The following ANKRD17 variants were observed in gnomAD, a reference collection of about 807,000 sequenced individuals.
ANKRD17 encodes ankyrin repeat domain 17, also known as ankyrin repeat domain-containing protein 17.
A neutral mutation model predicts 229.7 loss-of-function variants in ANKRD17; 19 were observed. That is an observed-to-expected ratio of 0.08 (90% CI 0.06 to 0.12). The LOEUF is 0.12. ANKRD17 is among the 10% of genes least tolerant of loss of function. The probability of loss-of-function intolerance (pLI) is 1.00; values close to 1 mark genes in which losing one functional copy is unlikely to be tolerated. For missense variants in ANKRD17, 2,176 were observed against 3,176.8 expected (o/e 0.68, Z 7.57); for synonymous variants, 1,112 against 1,146.1 (o/e 0.97, Z 0.60).
intron 1 of ANKRD17, among the ~76,000 whole-genome samples, chr4:73,213,252 G>A (rs189977510): frequency 6.6e-6 from 1 of 152,268 alleles, no homozygotes; most frequent in East Asian, 1.9e-4. Context: ...GTTAGAACCA[G>A]GTAAGGATAA....
At chr4:73,226,385 T>G (rs1242485480) in intron 1 of ANKRD17, among the ~76,000 whole-genome samples, 1 of 145,616 alleles carries the variant, frequency 6.9e-6, no homozygotes, top group East Asian at 2.0e-4. Context: ...ATTTCTTTTC[T>G]TCTGTTTTTT....
chr4:73,211,403 T>C (rs974930883), intron 1 of ANKRD17, among the ~76,000 whole-genome samples: 2 of 152,212 alleles, frequency 1.3e-5, no homozygotes, highest in African/African-American at 2.4e-5. Context: ...TCATATAATG[T>C]ATAGTTCAAA....
chr4:73,255,364 G>A (rs1464862348), intron 1 of ANKRD17, among the ~76,000 whole-genome samples: 1 of 152,082 alleles, frequency 6.6e-6, no homozygotes, highest in Non-Finnish European at 1.5e-5. Flanking sequence ...ATCCTTTCAG[G>A]TTAAATACCA....
At chr4:73,182,783 C>T (rs1215966547) in intron 1 of ANKRD17, among the ~76,000 whole-genome samples, 1 of 152,130 alleles carries the variant, frequency 6.6e-6, no homozygotes, top group African/African-American at 2.4e-5. Flanking sequence ...CAATGTTTCT[C>T]AATGTAAAAG....
intron 2 of ANKRD17, among the ~76,000 whole-genome samples, chr4:73,175,947 G>A (rs1038644435): frequency 4.0e-5 from 6 of 150,776 alleles, no homozygotes; most frequent in Non-Finnish European, 8.9e-5. Context: ...AAGCAAATAA[G>A]GACAAATGGG....
intron 1 of ANKRD17, among the ~76,000 whole-genome samples, chr4:73,243,218 A>G (rs939134857): frequency 6.6e-6 from 1 of 152,228 alleles, no homozygotes; most frequent in African/African-American, 2.4e-5. Flanking sequence ...GGGGCAAGTT[A>G]GGAGTTTGGA....
intron 24 of ANKRD17, among the ~76,000 whole-genome samples, chr4:73,108,776 T>C (rs1724946701): frequency 6.6e-6 from 1 of 152,144 alleles, no homozygotes; most frequent in East Asian, 1.9e-4. Flanking sequence ...CAGGGATCTT[T>C]ACCGCAAAGG....
chr4:73,155,799 T>C (rs1560612246), intron 4 of ANKRD17, 21 bp from the exon 5 acceptor site: 1 of 1,610,256 alleles, frequency 6.2e-7, no homozygotes, highest in Non-Finnish European at 8.5e-7. Context: ...AAAAATAGTT[T>C]AAAAAGATAT....
In ANKRD17 at chr4:73,091,396, C is replaced by T. The variant is rs749366317; in HGVS notation, c.6232G>A (p.Glu2078Lys). 1.9e-6 allele frequency: 3 copies of T among 1,614,146 alleles called. No individual in the cohort carries two copies. The highest frequency in any genetic ancestry group is 2.5e-6 in the Non-Finnish European group (3 of 1,180,032). ...TCTACTACTGGTGGACTACCTGCTT[C>T]CTGTTCGGAGGAAGATGCCACTTTA... ...PNKVASSSEQ[E>K]AGSPPVVETT... The change falls in exon 29 of 34, where the codon GAA becomes AAA. Residue 2078 changes from glutamate (E) to lysine (K), a missense_variant. Physicochemically the swap from Glu to Lys is moderately conservative, Grantham distance 56. This residue lies in a region of ANKRD17 where 424 missense variants were observed against 454.0 expected (regional missense o/e 0.93). Coordinates refer to ENST00000358602, the MANE Select transcript of ANKRD17 (RefSeq NM_032217.5).
At chr4:73,216,401 C>T (rs868573359) in intron 1 of ANKRD17, among the ~76,000 whole-genome samples, 1 of 151,986 alleles carries the variant, frequency 6.6e-6, no homozygotes, top group South Asian at 2.1e-4. Flanking sequence ...TAATTTTTAA[C>T]AGTGAAAAAG....
At chr4:73,134,167 G>A (rs946309886) in intron 16 of ANKRD17, among the ~76,000 whole-genome samples, 3 of 152,050 alleles carry the variant, frequency 2.0e-5, no homozygotes, top group African/African-American at 7.2e-5. Flanking sequence ...TTAATAAAAA[G>A]GAAACTTTAT....
chr4:73,118,532 T>A (rs10019083), intron 22 of ANKRD17, among the ~76,000 whole-genome samples, 156 bp downstream of exon 22: 458 of 152,272 alleles, frequency 3.0e-3, no homozygotes, highest in Middle Eastern at 0.01. Context: ...CCTGTATATA[T>A]CTACATTTAA....
chr4:73,113,153 T>C, intron 24 of ANKRD17: 1 of 1,248,088 alleles, frequency 8.0e-7, no homozygotes, highest in Middle Eastern at 2.2e-4. Context: ...CCAATTATTT[T>C]CCTATGATTA....
chr4:73,076,229 C>G lies in ANKRD17; in HGVS notation c.*2G>C. 1 of 1,608,330 alleles carries G rather than the reference C, an allele frequency of 6.2e-7. No individual in the cohort carries two copies. Among genetic ancestry groups the G allele is most frequent in the Non-Finnish European group, 8.5e-7 (1 of 1,177,652 alleles). On this transcript the variant is annotated 3_prime_UTR_variant, in exon 34 of 34. Transcript: ENST00000358602. ...ATCTGCAGGCTAACAAGCTGATCCT[C>G]ATCAGCCAAGCTGGTTCATATGCAC...
intron 1 of ANKRD17, among the ~76,000 whole-genome samples, chr4:73,189,648 C>A (rs184702232): frequency 6.6e-6 from 1 of 152,250 alleles, no homozygotes; most frequent in East Asian, 1.9e-4. Flanking sequence ...TTTCCCAACC[C>A]TTTCGTTCTT....
intron 1 of ANKRD17, among the ~76,000 whole-genome samples, chr4:73,231,447 G>A (rs143374782): frequency 1.3e-5 from 2 of 152,240 alleles, no homozygotes; most frequent in Admixed American, 6.5e-5. Context: ...ACCACTCTGC[G>A]CTCTGCTATT....
chr4:73,105,674 C>T (rs1724526006), intron 24 of ANKRD17, among the ~76,000 whole-genome samples: 1 of 152,072 alleles, frequency 6.6e-6, no homozygotes, highest in African/African-American at 2.4e-5. Context: ...TTACCTCCAC[C>T]ACAGTTAGTT....
chr4:73,124,364 T>C (rs1473749420), intron 18 of ANKRD17, among the ~76,000 whole-genome samples: 3 of 150,724 alleles, frequency 2.0e-5, no homozygotes, highest in South Asian at 2.1e-4. Flanking sequence ...TACATTTTCT[T>C]GAGCCTAGCT....
chr4:73,239,437 G>A (rs1743806487), intron 1 of ANKRD17, among the ~76,000 whole-genome samples: 1 of 152,010 alleles, frequency 6.6e-6, no homozygotes, highest in Admixed American at 6.6e-5. Context: ...ACCTGACAAG[G>A]GAATACTCAC....
Sources: gnomAD v4.1 joint callset for allele counts (sites outside exome capture counted in the v4.1 genomes callset) on GRCh38, gnomAD v4.1.1 for gene constraint, gnomAD v4.1.1 regional missense constraint, MANE v1.5 for transcripts, NCBI Gene and HGNC (gene_info 2026-07-23, HGNC 2026-07-21) for gene names.